SYN2: variants seen among roughly 807,000 people sequenced by gnomAD.
SYN2 encodes synapsin-2.
SYN2 carries 19 observed loss-of-function variants against 50.9 expected under a neutral mutation model. The observed-to-expected ratio is 0.37, with a 90% CI of 0.26 to 0.55. The LOEUF (loss-of-function observed/expected upper bound fraction) is 0.55, where lower values mean the gene tolerates loss of function less well. Among genes scored for constraint, SYN2 ranks in the 20% least tolerant of loss-of-function variants. The pLI, the probability that SYN2 is intolerant of heterozygous loss-of-function variation, is 0.81. For synonymous variants in SYN2, 255 were observed against 224.9 expected, an observed-to-expected ratio of 1.13 and a Z score of -1.20; for missense variants, 587 against 576.4, an observed-to-expected ratio of 1.02 and a Z score of -0.19.
At chr3:12,033,160 C>T (rs1471717124) in intron 1 of SYN2, among the ~76,000 whole-genome samples, 1 of 151,768 alleles carries the variant, frequency 6.6e-6, no homozygotes, top group Admixed American at 6.6e-5. Context: ...TCAGTGTGCC[C>T]CTGCTGGGGG....
chr3:12,013,261 C>CCCCA (rs1044303249), intron 1 of SYN2, among the ~76,000 whole-genome samples: 1 of 152,156 alleles, frequency 6.6e-6, no homozygotes, highest in African/African-American at 2.4e-5. Flanking sequence ...GAGCCACCAC[C>CCCCA]CCCAGCCTCT....
intron 1 of SYN2, among the ~76,000 whole-genome samples, chr3:12,087,651 G>C (rs1695733368): frequency 2.6e-5 from 4 of 152,132 alleles, no homozygotes; most frequent in Middle Eastern, 3.4e-3. Context: ...GCTTGGGGAG[G>C]TTGAGGCGGG....
intron 11 of SYN2, chr3:12,184,285 AGTT>A (rs1415921834): frequency 1.0e-6 from 1 of 983,694 alleles, no homozygotes; most frequent in East Asian, 1.2e-4. Context: ...TGTTGATCTC[AGTT>A]GTTTCTTCAT....
chr3:12,024,236 A>T (rs1694207349), intron 1 of SYN2, among the ~76,000 whole-genome samples: 1 of 145,688 alleles, frequency 6.9e-6, no homozygotes, highest in Non-Finnish European at 1.5e-5. Flanking sequence ...AGCTCACTGC[A>T]ACATCCACCT....
intron 1 of SYN2, among the ~76,000 whole-genome samples, chr3:12,081,148 G>A (rs1335551341): frequency 6.6e-6 from 1 of 152,086 alleles, no homozygotes; most frequent in Non-Finnish European, 1.5e-5. Context: ...GTATAGTGCT[G>A]GGCATATAAA....
chr3:12,081,408 C>G (rs1170039795), intron 1 of SYN2, among the ~76,000 whole-genome samples: 3 of 151,994 alleles, frequency 2.0e-5, no homozygotes, highest in Non-Finnish European at 4.4e-5. Context: ...TTTTGGCATT[C>G]CTTATTTTTG....
chr3:12,043,144 T>C (rs1183232887), intron 1 of SYN2, among the ~76,000 whole-genome samples: 2 of 151,832 alleles, frequency 1.3e-5, no homozygotes, highest in Admixed American at 1.3e-4. Context: ...CACCTCGGCC[T>C]CCCAAGTAGG....
At chr3:12,023,374 C>A (rs1046135536) in intron 1 of SYN2, among the ~76,000 whole-genome samples, 1 of 151,750 alleles carries the variant, frequency 6.6e-6, no homozygotes, top group South Asian at 2.1e-4. Context: ...CCCCCCACCC[C>A]CAAAGAAACA....
intron 1 of SYN2, among the ~76,000 whole-genome samples, chr3:12,058,098 T>G (rs73813114): frequency 0.048 from 7,273 of 152,294 alleles, 563 homozygotes; most frequent in African/African-American, 0.16. Context: ...TTCTTCACTT[T>G]AAGTTTCTTA....
At chr3:12,151,356 TC>T in intron 5 of SYN2, 30 bp downstream of exon 5, 1 of 1,572,706 alleles carries the variant, frequency 6.4e-7, no homozygotes, top group Non-Finnish European at 8.7e-7. Flanking sequence ...CATTAGTCTT[TC>T]TGCTGTTTTC....
intron 1 of SYN2, among the ~76,000 whole-genome samples, chr3:12,044,181 T>TCTCTCACACACACACA (rs573246278): frequency 1.3e-4 from 7 of 53,356 alleles, no homozygotes; most frequent in African/African-American, 3.2e-4. Flanking sequence ...TCTCTCTCTC[T>TCTCTCACACACACACA]CACACACACA....
intron 9 of SYN2, among the ~76,000 whole-genome samples, chr3:12,168,758 T>A (rs1453924601): frequency 6.6e-6 from 1 of 152,184 alleles, no homozygotes; most frequent in African/African-American, 2.4e-5. Context: ...TCCAACCTGC[T>A]CATTTTACAG....
intron 5 of SYN2, among the ~76,000 whole-genome samples, chr3:12,157,890 GTAAATGTTTATTGAATTCA>G (rs747879113): frequency 6.4e-4 from 97 of 152,322 alleles, no homozygotes; most frequent in South Asian, 1.7e-3. Flanking sequence ...GTTGATATTA[GTAAATGTTTATTGAATTCA>G]TAAATGTTCT....
At chr3:12,092,023 C>G (rs17035795) in intron 1 of SYN2, among the ~76,000 whole-genome samples, 5,098 of 152,184 alleles carry the variant, frequency 0.033, 263 homozygotes, top group African/African-American at 0.11. Context: ...ACAGGTAATT[C>G]AGGCAGATCA....
Position 12,183,569 on chromosome 3 carries a change from G to T in SYN2, c.1369+197G>T, listed in dbSNP as rs1043464216. ...GTTCTTTCAATGCTGACTGGACTGTGTTTTTCCTATGCAGTGTCAGCTCCT... is the reference window on the plus strand; with the variant it reads ...GTTCTTTCAATGCTGACTGGACTGTTTTTTTCCTATGCAGTGTCAGCTCCT... On this transcript the variant is annotated intron_variant, in intron 11 of 12. Transcript: ENST00000621198. 1.1e-5 allele frequency: 17 copies of T among 1,503,782 alleles called. No individual in the cohort carries two copies. The African/African-American group carries it at 2.0e-4, about 18-fold the overall frequency. The allele number at this position is 1,503,782 out of a possible 1,614,324, so 93.2% of individuals were successfully genotyped here.
intron 1 of SYN2, among the ~76,000 whole-genome samples, chr3:12,042,502 C>G (rs1301601250): frequency 6.6e-6 from 1 of 152,118 alleles, no homozygotes; most frequent in East Asian, 1.9e-4. Context: ...ATCCTGGGAG[C>G]TCAATGGAAA....
chr3:12,161,667 C>T (rs1040912959), intron 6 of SYN2, 59 bp downstream of exon 6: 104 of 1,579,766 alleles, frequency 6.6e-5, no homozygotes, highest in Non-Finnish European at 8.2e-5. Flanking sequence ...GTTTTCAGAG[C>T]GCCCATTTGT....
intron 1 of SYN2, among the ~76,000 whole-genome samples, chr3:12,067,853 G>C (rs1286620723): frequency 2.0e-5 from 3 of 152,172 alleles, no homozygotes; most frequent in Non-Finnish European, 4.4e-5. Context: ...TTGAGCCTAG[G>C]AGTTTGATAC....
chr3:12,184,180 C>T (rs2124835279), intron 11 of SYN2: 1 of 985,722 alleles, frequency 1.0e-6, no homozygotes. Flanking sequence ...CCCAGTGTAC[C>T]CTTTATTTTA....
Sources: allele counts gnomAD v4.1 joint callset (sites outside exome capture counted in the v4.1 genomes callset), GRCh38; gene constraint gnomAD v4.1.1; transcripts MANE v1.5; gene names NCBI Gene and HGNC (gene_info 2026-07-23, HGNC 2026-07-21).